The following SPRY3 variants were observed in gnomAD, a reference collection of about 807,000 sequenced individuals.
The protein encoded by SPRY3 is protein sprouty homolog 3.
In SPRY3, 15 loss-of-function variants were observed where a neutral mutation model predicts 20.2. The ratio of observed to expected loss-of-function variants is 0.74; its 90% CI spans 0.50 to 1.14. SPRY3 has a LOEUF of 1.14. SPRY3 is among the 50% of genes most tolerant of loss of function. SPRY3 has a pLI of 0.00. For synonymous variants in SPRY3, 143 were observed against 136.5 expected (o/e 1.05, Z -0.33); for missense variants, 364 against 363.9 (o/e 1.00, Z 0.00).
intron 2 of SPRY3, among the ~76,000 whole-genome samples, chrX:155,719,691 C>T (rs1215792893): frequency 6.6e-6 from 1 of 152,036 alleles, no homozygotes; most frequent in African/African-American, 2.4e-5. Context: ...CAGGGCCTAG[C>T]TCCCAGACGA....
At chrX:155,724,198 C>T (rs961907133) in intron 2 of SPRY3, among the ~76,000 whole-genome samples, 3 of 152,042 alleles carry the variant, frequency 2.0e-5, no homozygotes, top group Non-Finnish European at 4.4e-5. Context: ...TCTTGCAGTA[C>T]AGTTTGAAAT....
chrX:155,662,556 G>T (rs1456448994), intron 2 of SPRY3, among the ~76,000 whole-genome samples: 1 of 109,609 alleles, frequency 9.1e-6, no homozygotes. Context: ...GCTGAGCAAT[G>T]TGCAGTTGTG....
chrX:155,714,731 A>C (rs1220004627), intron 2 of SPRY3, among the ~76,000 whole-genome samples: 3 of 152,168 alleles, frequency 2.0e-5, no homozygotes, highest in Non-Finnish European at 4.4e-5. Context: ...TGGAGTCAAA[A>C]AATGTAGCAA....
At chrX:155,729,669 C>G (rs934686876) in intron 2 of SPRY3, among the ~76,000 whole-genome samples, 12 of 149,938 alleles carry the variant, frequency 8.0e-5, no homozygotes, top group Non-Finnish European at 1.5e-5. Flanking sequence ...AAAGCAAGAG[C>G]AAAACAAACC....
chrX:155,751,748 G>A lies in SPRY3; in HGVS notation c.-281-16214G>A, dbSNP rs758846297. On this transcript the variant is annotated intron_variant, in intron 2 of 3. Coordinates refer to ENST00000675360, the Ensembl canonical transcript of SPRY3. ...TCCCCTTACTAAAGGGGTGACTAGT[G>A]GTATGTACACAACTGAAAACAGAAT... Among the ~76,000 whole-genome samples, 247 of 151,472 alleles carry A rather than the reference G, an allele frequency of 1.6e-3. 1 individual carries two copies. The highest frequency in any genetic ancestry group is 5.5e-3 in the African/African-American group (226 of 41,376).
chrX:155,647,611 C>A (rs2067962100), intron 1 of SPRY3, among the ~76,000 whole-genome samples: 1 of 111,299 alleles, frequency 9.0e-6, no homozygotes, highest in African/African-American at 3.3e-5. Context: ...CCAGCTTCAT[C>A]CATGTCCCTG....
chrX:155,634,367 T>C (rs1268587287), intron 1 of SPRY3, among the ~76,000 whole-genome samples: 1 of 111,915 alleles, frequency 8.9e-6, no homozygotes, highest in Non-Finnish European at 1.9e-5. Context: ...ACCTTTATCA[T>C]GTGTGGACTT....
At chrX:155,627,394 A>G (rs2067891698) in intron 1 of SPRY3, among the ~76,000 whole-genome samples, 1 of 112,044 alleles carries the variant, frequency 8.9e-6, no homozygotes, top group Non-Finnish European at 1.9e-5. Context: ...ATGCTGTGAC[A>G]AATAACATGA....
chrX:155,685,446 G>A (rs1369398159), intron 2 of SPRY3, among the ~76,000 whole-genome samples: 6 of 106,738 alleles, frequency 5.6e-5, no homozygotes. Flanking sequence ...AGGGATACAA[G>A]TACAGGTTTG....
intron 2 of SPRY3, among the ~76,000 whole-genome samples, chrX:155,664,796 G>C (rs2068019819): frequency 1.8e-5 from 2 of 109,673 alleles, no homozygotes; most frequent in Admixed American, 2.0e-4. Flanking sequence ...GTGTGTGTGT[G>C]TTTGTGTATT....
chrX:155,757,090 C>G (rs2091286356), intron 2 of SPRY3, among the ~76,000 whole-genome samples: 1 of 152,152 alleles, frequency 6.6e-6, no homozygotes, highest in Non-Finnish European at 1.5e-5. Context: ...TTCCTCTGCA[C>G]AAAACCCTAC....
In SPRY3 at chrX:155,652,472, T is replaced by C. The variant is rs932356333; in HGVS notation, c.-440-4395T>C. On this transcript the variant is annotated intron_variant, in intron 1 of 3. Coordinates refer to ENST00000675360, the Ensembl canonical transcript of SPRY3. ...CCATGAATTCAGTCGTTTTGACTTT[T>C]AGATCCCACAAATAAGTAAGAACAC... Among the ~76,000 whole-genome samples the C allele has an allele frequency of 3.6e-5, 4 of 111,697 alleles. No individual in the cohort carries two copies. The Admixed American group carries it at 3.8e-4, about 11-fold the overall frequency.
At chrX:155,773,054 A>G (rs987582098) in intron 3 of SPRY3, among the ~76,000 whole-genome samples, 2 of 151,952 alleles carry the variant, frequency 1.3e-5, no homozygotes, top group Non-Finnish European at 2.9e-5. Flanking sequence ...TCACTTCCTT[A>G]GTAAGTTAAA....
chrX:155,723,510 G>T lies in SPRY3; in HGVS notation c.-281-44452G>T, dbSNP rs746682740. ...TGAGATGGTATCTCATTGTGGTTTTGATTTGCATTTCTCTGATGACCAGTG... is the reference window on the plus strand; with the variant it reads ...TGAGATGGTATCTCATTGTGGTTTTTATTTGCATTTCTCTGATGACCAGTG... On this transcript the variant is annotated intron_variant, in intron 2 of 3. Transcript: ENST00000675360. Among the ~76,000 whole-genome samples, 17 of 152,276 alleles carry T rather than the reference G, an allele frequency of 1.1e-4. 2 individuals are homozygous for T. In the South Asian group the frequency reaches 3.5e-3, roughly 32 times the overall value.
intron 1 of SPRY3, among the ~76,000 whole-genome samples, chrX:155,628,834 C>G (rs2124526406): frequency 8.9e-6 from 1 of 111,741 alleles, no homozygotes; most frequent in South Asian, 3.7e-4. Context: ...AATAGCCATC[C>G]TAATAGGAAT....
At chrX:155,677,838 T>C (rs926445947) in intron 2 of SPRY3, among the ~76,000 whole-genome samples, 1 of 111,581 alleles carries the variant, frequency 9.0e-6, no homozygotes, top group Non-Finnish European at 1.9e-5. Context: ...TTCCAATAAA[T>C]GTTTATCAGA....
chrX:155,780,898 A>T (rs934712141), downstream of SPRY3: 5 of 167,162 alleles, frequency 3.0e-5, no homozygotes, highest in Admixed American at 1.3e-4. Flanking sequence ...TGTGAAAGAA[A>T]AAAAGCTCTA....
intron 1 of SPRY3, among the ~76,000 whole-genome samples, chrX:155,651,079 T>C (rs924575169): frequency 4.1e-5 from 4 of 96,582 alleles, no homozygotes; most frequent in Non-Finnish European, 8.1e-5. Context: ...ATGTTATCAC[T>C]TTTTTTTTTT....
At chrX:155,730,829 A>G (rs997150791) in intron 2 of SPRY3, among the ~76,000 whole-genome samples, 2 of 152,156 alleles carry the variant, frequency 1.3e-5, no homozygotes, top group African/African-American at 4.8e-5. Context: ...AGGATACAAA[A>G]TCAAGATACA....
Sources: gnomAD v4.1 joint callset for allele counts (sites outside exome capture counted in the v4.1 genomes callset) on GRCh38, gnomAD v4.1.1 for gene constraint, MANE v1.5 for transcripts, NCBI Gene and HGNC (gene_info 2026-07-23, HGNC 2026-07-21) for gene names.